Variants in NOX4 observed in about 807,000 individuals in gnomAD.
The protein encoded by NOX4 is NADPH oxidase 4.
NOX4 carries 69 observed loss-of-function variants against 87.6 expected under a neutral mutation model. That is an observed-to-expected ratio of 0.79 (90% CI 0.65 to 0.96). NOX4 has a LOEUF of 0.96. Ranked by LOEUF, NOX4 falls within the 40% of genes least tolerant of loss-of-function variation. The pLI is 0.00. For missense variants in NOX4, 680 were observed against 681.5 expected (o/e 1.00, Z 0.02); for synonymous variants, 275 against 238.2 (o/e 1.15, Z -1.42).
chr11:89,467,969 C>G (rs559632823), intron 2 of NOX4, among the ~76,000 whole-genome samples: 1 of 152,230 alleles, frequency 6.6e-6, no homozygotes, highest in Non-Finnish European at 1.5e-5. Flanking sequence ...ATGTGTGTTA[C>G]ATATAGGAGG....
the NOX4 span, among the ~76,000 whole-genome samples, chr11:89,540,886 A>ACC: frequency 3.0e-3 from 449 of 148,180 alleles, 17 homozygotes; most frequent in East Asian, 0.077. Context: ...ATCCCTCTCT[A>ACC]CCTGAGGTCC....
intron 13 of NOX4, among the ~76,000 whole-genome samples, chr11:89,347,708 T>C (rs1590982316): frequency 6.6e-6 from 1 of 152,166 alleles, no homozygotes; most frequent in Non-Finnish European, 1.5e-5. Flanking sequence ...CCTTCTTGCA[T>C]AATAGTCATC....
At chr11:89,583,976 T>C in the NOX4 span, among the ~76,000 whole-genome samples, 1 of 152,276 alleles carries the variant, frequency 6.6e-6, no homozygotes, top group East Asian at 1.9e-4. Context: ...AATTGAGTAA[T>C]GGTTAAAATC....
At chr11:89,400,550 A>T (rs895062267) in intron 9 of NOX4, among the ~76,000 whole-genome samples, 171 bp from the exon 10 acceptor site, 2 of 152,144 alleles carry the variant, frequency 1.3e-5, no homozygotes, top group African/African-American at 4.8e-5. Context: ...TCATTCAAAC[A>T]AACAAAAGTA....
chr11:89,452,913 A>G (rs139730970), intron 2 of NOX4, among the ~76,000 whole-genome samples: 79 of 152,066 alleles, frequency 5.2e-4, no homozygotes, highest in Middle Eastern at 3.4e-3. Context: ...GCATGGTGTA[A>G]TGCACCCGCA....
chr11:89,509,386 T>A, the NOX4 span, among the ~76,000 whole-genome samples: 1 of 152,162 alleles, frequency 6.6e-6, no homozygotes, highest in Non-Finnish European at 1.5e-5. Context: ...CCTGCCCAGC[T>A]CTAATTGCCA....
At chr11:89,499,518 G>T (rs1946995497), upstream of NOX4, among the ~76,000 whole-genome samples, 1 of 152,062 alleles carries the variant, frequency 6.6e-6, no homozygotes, top group Admixed American at 6.6e-5. Context: ...AAATAAACTT[G>T]ACAATTGTCT....
chr11:89,349,287 A>AAAAATAAAAT (rs59263677), intron 13 of NOX4, among the ~76,000 whole-genome samples: 76 of 149,526 alleles, frequency 5.1e-4, no homozygotes, highest in Non-Finnish European at 7.2e-4. Flanking sequence ...ACTCTGTCTA[A>AAAAATAAAAT]AAAATAAAAT....
chr11:89,476,244 C>T (rs1382014496), intron 2 of NOX4, among the ~76,000 whole-genome samples: 4 of 151,978 alleles, frequency 2.6e-5, no homozygotes, highest in Non-Finnish European at 4.4e-5. Context: ...ATTCCATTGC[C>T]TAGTACTCCC....
chr11:89,384,065 T>TC (rs1158354527), intron 11 of NOX4, among the ~76,000 whole-genome samples: 1 of 151,950 alleles, frequency 6.6e-6, no homozygotes, highest in Non-Finnish European at 1.5e-5. Context: ...TCCTTACAAT[T>TC]CCCCATTTTA....
upstream of NOX4, among the ~76,000 whole-genome samples, chr11:89,491,765 CAA>C (rs140264763): frequency 0.072 from 9,028 of 125,544 alleles, 358 homozygotes; most frequent in African/African-American, 0.16. Context: ...CACACACACA[CAA>C]GAAGACACAG....
At chr11:89,404,176 G>A (rs1942037520) in intron 8 of NOX4, among the ~76,000 whole-genome samples, 1 of 151,980 alleles carries the variant, frequency 6.6e-6, no homozygotes, top group African/African-American at 2.4e-5. Context: ...ACAATTGCTG[G>A]GATATTATAC....
chr11:89,404,459 CA>C (rs1160896031), intron 8 of NOX4, among the ~76,000 whole-genome samples: 1 of 152,068 alleles, frequency 6.6e-6, no homozygotes, highest in East Asian at 1.9e-4. Flanking sequence ...AGAAGCTGAA[CA>C]TAAATCAGAC....
At chr11:89,376,423 C>T (rs912733447) in intron 11 of NOX4, among the ~76,000 whole-genome samples, 2 of 152,154 alleles carry the variant, frequency 1.3e-5, no homozygotes, top group Non-Finnish European at 2.9e-5. Context: ...TGTTTTCTCA[C>T]TGTCTTTTTG....
the NOX4 span, among the ~76,000 whole-genome samples, chr11:89,588,846 C>T: frequency 6.6e-6 from 1 of 152,210 alleles, no homozygotes; most frequent in African/African-American, 2.4e-5. Context: ...ACAGAGGATA[C>T]AGATTATACT....
chr11:89,545,274 T>G, the NOX4 span: 1 of 152,152 alleles, frequency 6.6e-6, no homozygotes, highest in East Asian at 1.9e-4. Flanking sequence ...GCTGTTTCTG[T>G]CCAGTAGAAA....
the NOX4 span, among the ~76,000 whole-genome samples, chr11:89,586,955 G>A: frequency 6.6e-6 from 1 of 152,108 alleles, no homozygotes; most frequent in Admixed American, 6.6e-5. Context: ...CTATTGCACG[G>A]ATTCTATGGA....
intron 6 of NOX4, among the ~76,000 whole-genome samples, chr11:89,439,569 CCCATGTGCAATT>C (rs1331964330): frequency 1.3e-5 from 2 of 152,046 alleles, no homozygotes; most frequent in African/African-American, 4.8e-5. Flanking sequence ...GTGCCTCAGT[CCCATGTGCAATT>C]CCAATACTTA....
chr11:89,416,473 A>G (rs763577445), intron 8 of NOX4, among the ~76,000 whole-genome samples: 1 of 152,180 alleles, frequency 6.6e-6, no homozygotes, highest in Non-Finnish European at 1.5e-5. Flanking sequence ...AGTCCTTAAC[A>G]CTTCACTATA....
Sources: allele counts gnomAD v4.1 joint callset (sites outside exome capture counted in the v4.1 genomes callset), GRCh38; gene constraint gnomAD v4.1.1; transcripts MANE v1.5; gene names NCBI Gene and HGNC (gene_info 2026-07-23, HGNC 2026-07-21).